The following ANKS1B variants were observed in gnomAD, a reference collection of about 807,000 sequenced individuals.
The protein encoded by ANKS1B is ankyrin repeat and sterile alpha motif domain-containing protein 1B.
A neutral mutation model predicts 148.3 loss-of-function variants in ANKS1B; 36 were observed. The observed-to-expected ratio is 0.24, with a 90% CI of 0.19 to 0.32. The LOEUF (loss-of-function observed/expected upper bound fraction) is 0.32. Among genes scored for constraint, ANKS1B ranks in the 10% least tolerant of loss-of-function variants. ANKS1B has a pLI of 1.00. For missense variants in ANKS1B, 1,157 were observed against 1,542.6 expected, an observed-to-expected ratio of 0.75 and a Z score of 4.19; for synonymous variants, 542 against 560.8, an observed-to-expected ratio of 0.97 and a Z score of 0.47.
At chr12:99,736,782 T>C (rs1046105356) in intron 8 of ANKS1B, among the ~76,000 whole-genome samples, 4 of 152,044 alleles carry the variant, frequency 2.6e-5, no homozygotes, top group Non-Finnish European at 5.9e-5. Flanking sequence ...AAGAAAGTAT[T>C]TGCAAACTAT....
chr12:99,403,485 A>AT (rs534043840), intron 11 of ANKS1B, among the ~76,000 whole-genome samples: 2 of 83,916 alleles, frequency 2.4e-5, no homozygotes, highest in South Asian at 4.1e-4. Flanking sequence ...ATGGGGGTTG[A>AT]TTTTTTTTTC....
intron 9 of ANKS1B, among the ~76,000 whole-genome samples, chr12:99,571,734 C>G (rs1457085650): frequency 6.6e-6 from 1 of 152,048 alleles, no homozygotes; most frequent in African/African-American, 2.4e-5. Flanking sequence ...TAAGGGATTT[C>G]TATAGCCAAG....
chr12:99,549,404 T>C (rs2097198752), intron 9 of ANKS1B, among the ~76,000 whole-genome samples: 1 of 152,250 alleles, frequency 6.6e-6, no homozygotes, highest in South Asian at 2.1e-4. Context: ...TTTTGAAGTC[T>C]TAGTAAATAA....
chr12:98,777,114 G>T (rs2098686937), intron 24 of ANKS1B, among the ~76,000 whole-genome samples: 1 of 152,130 alleles, frequency 6.6e-6, no homozygotes, highest in African/African-American at 2.4e-5. Context: ...GATCACTTGA[G>T]CCCAGGAGTT....
chr12:99,904,642 T>G (rs1184853183), intron 1 of ANKS1B, among the ~76,000 whole-genome samples: 1 of 152,236 alleles, frequency 6.6e-6, no homozygotes, highest in Non-Finnish European at 1.5e-5. Context: ...ATTAGACCTC[T>G]GTATTCCAGC....
At chr12:99,816,782 A>C (rs1370676456) in intron 2 of ANKS1B, among the ~76,000 whole-genome samples, 2 of 151,728 alleles carry the variant, frequency 1.3e-5, no homozygotes, top group Non-Finnish European at 3.0e-5. Flanking sequence ...TATCCAAAGT[A>C]ATATGAACTA....
At position 99,478,154 on chromosome 12, in the gene ANKS1B, C is replaced by T. The variant is rs905018231; in HGVS notation, c.1438+26322G>A. 2.0e-5 allele frequency among the ~76,000 whole-genome samples: 3 copies of T among 152,100 alleles called. No individual in the cohort carries two copies. In the South Asian group the frequency reaches 6.2e-4, roughly 31 times the overall value. On this transcript the variant is annotated intron_variant, in intron 10 of 26. Transcript: ENST00000683438. ...CCATTTGTAAAACAAAAGGTTTACA[C>T]TCAGAGGCAAATATTGCAGCTTAAG... is the stretch of plus-strand genomic sequence containing the variant.
At chr12:99,655,282 C>A in intron 8 of ANKS1B, 72 bp from the exon 9 acceptor site, 6 of 1,334,368 alleles carry the variant, frequency 4.5e-6, no homozygotes, top group Non-Finnish European at 6.1e-6. Flanking sequence ...CAATTAAATT[C>A]TATAAATGAC....
intron 14 of ANKS1B, among the ~76,000 whole-genome samples, chr12:99,224,295 C>T (rs1011885567): frequency 6.6e-6 from 1 of 152,120 alleles, no homozygotes; most frequent in Non-Finnish European, 1.5e-5. Context: ...TTTATAAGTG[C>T]TTTCATATAA....
chr12:99,646,238 TA>T (rs2098362249), intron 9 of ANKS1B, among the ~76,000 whole-genome samples: 1 of 152,066 alleles, frequency 6.6e-6, no homozygotes, highest in Non-Finnish European at 1.5e-5. Flanking sequence ...GGAAGGGCAG[TA>T]AAAAGTGCTA....
intron 12 of ANKS1B, among the ~76,000 whole-genome samples, chr12:99,288,230 G>A (rs1386207991): frequency 6.6e-6 from 1 of 152,084 alleles, no homozygotes; most frequent in African/African-American, 2.4e-5. Flanking sequence ...AATTCTCAGT[G>A]GAAGCCTTCC....
chr12:99,706,484 T>C (rs2055792174), intron 8 of ANKS1B: 1 of 152,082 alleles, frequency 6.6e-6, no homozygotes. Context: ...GCTCAAACAT[T>C]AAGAATTTGG....
At chr12:99,153,571 T>C (rs762475302) in intron 15 of ANKS1B, among the ~76,000 whole-genome samples, 4 of 152,116 alleles carry the variant, frequency 2.6e-5, no homozygotes, top group Non-Finnish European at 5.9e-5. Context: ...TGCAAAACGG[T>C]GGAAAGTTAG....
At chr12:99,385,223 C>T (rs2093810850) in intron 12 of ANKS1B, among the ~76,000 whole-genome samples, 1 of 152,192 alleles carries the variant, frequency 6.6e-6, no homozygotes, top group African/African-American at 2.4e-5. Context: ...AATCGCACCA[C>T]TTTGGGAGGC....
chr12:99,620,024 T>G (rs1050986027), intron 9 of ANKS1B, among the ~76,000 whole-genome samples: 1 of 152,172 alleles, frequency 6.6e-6, no homozygotes, highest in African/African-American at 2.4e-5. Context: ...TACACCCAGC[T>G]ACGGTGGCCT....
chr12:98,886,369 G>A (rs2099740190), intron 17 of ANKS1B, among the ~76,000 whole-genome samples: 1 of 152,028 alleles, frequency 6.6e-6, no homozygotes, highest in African/African-American at 2.4e-5. Flanking sequence ...AAGGACCCAG[G>A]TACCATGAAT....
intron 22 of ANKS1B, among the ~76,000 whole-genome samples, chr12:98,782,737 CTGT>C (rs2098749806): frequency 6.6e-6 from 1 of 152,162 alleles, no homozygotes; most frequent in Non-Finnish European, 1.5e-5. Flanking sequence ...TATTTAATAT[CTGT>C]TGTTGTATAC....
intron 8 of ANKS1B, among the ~76,000 whole-genome samples, chr12:99,765,676 C>T (rs566590822): frequency 6.6e-6 from 1 of 152,198 alleles, no homozygotes; most frequent in African/African-American, 2.4e-5. Context: ...TTGACTCAGA[C>T]CAATCCAAGA....
intron 4 of ANKS1B, among the ~76,000 whole-genome samples, chr12:99,798,145 C>A (rs535143552): frequency 1.3e-5 from 2 of 151,314 alleles, no homozygotes; most frequent in African/African-American, 2.4e-5. Flanking sequence ...CTGAAGCCTG[C>A]GAAAGAGAAT....
Sources: allele counts gnomAD v4.1 joint callset (sites outside exome capture counted in the v4.1 genomes callset), GRCh38; gene constraint gnomAD v4.1.1; transcripts MANE v1.5; gene names NCBI Gene and HGNC (gene_info 2026-07-23, HGNC 2026-07-21).